The following ZNF550 variants were observed in gnomAD, a reference collection of about 807,000 sequenced individuals.
ZNF550 encodes the protein zinc finger protein 550.
A neutral mutation model predicts 40.2 loss-of-function variants in ZNF550; 42 were observed. The observed-to-expected ratio is 1.05, with a 90% CI of 0.82 to 1.35. The LOEUF (loss-of-function observed/expected upper bound fraction) is 1.35, where lower values mean the gene tolerates loss of function less well. Among genes scored for constraint, ZNF550 ranks in the 40% most tolerant of loss-of-function variants. The pLI is 0.00. For synonymous variants in ZNF550, 223 were observed against 198.6 expected, an observed-to-expected ratio of 1.12 and a Z score of -1.03; for missense variants, 549 against 525.2, an observed-to-expected ratio of 1.05 and a Z score of -0.44.
intron 4 of ZNF550, chr19:57,543,572 T>A (rs1413090249): frequency 1.0e-6 from 1 of 977,838 alleles, no homozygotes; most frequent in East Asian, 1.1e-4. Context: ...TTAAGCAGCA[T>A]AAGAGCATAG....
At chr19:57,544,436 T>C in intron 4 of ZNF550, 1 of 985,414 alleles carries the variant, frequency 1.0e-6, no homozygotes, top group Non-Finnish European at 1.2e-6. Flanking sequence ...CTAGAGGGGT[T>C]TCTCCAACTC....
rs1490945365 is a variant in ZNF550 at position 57,559,640 on chromosome 19, G to C, written c.27+16C>G. On this transcript the variant is annotated intron_variant, in intron 1 of 4. Transcript: ENST00000457177. ...TGAGGCCGGGTGGCCGCGGGGAGCC[G>C]AGCCAGTCTGCTCACCTGCGCTGCG... 8 of 1,483,756 alleles carry C rather than the reference G, an allele frequency of 5.4e-6. No homozygotes were observed. The African/African-American group carries it at 9.8e-5, about 18-fold the overall frequency. The allele number at this position is 1,483,756 out of a possible 1,614,324, so 91.9% of individuals were successfully genotyped here.
chr19:57,547,427 A>G (rs374742265), exon 4 of ZNF550: 2 of 1,602,660 alleles, frequency 1.2e-6, no homozygotes, highest in South Asian at 1.1e-5. Flanking sequence ...TGCATGAGGT[A>G]CGACCTGCGT....
At chr19:57,559,724 G>C in exon 1 of ZNF550, 9 of 1,446,606 alleles carry the variant, frequency 6.2e-6, no homozygotes, top group Non-Finnish European at 8.3e-6. Context: ...CAGCTCCCAC[G>C]GGCTCAAAAC....
chr19:57,552,023 G>T (rs551913564), intron 3 of ZNF550, among the ~76,000 whole-genome samples: 1 of 152,334 alleles, frequency 6.6e-6, no homozygotes, highest in Non-Finnish European at 1.5e-5. Flanking sequence ...AGTCCAGAAA[G>T]AAATGTATGA....
Position 57,554,998 on chromosome 19 carries a change from A to G in ZNF550, c.154+1233T>C, listed in dbSNP as rs1011613569. ...AAATTCCCCTCATTTTTCTTTCTAG[A>G]ACTTATTTCAGTTGTCATCTATGGA... On this transcript the variant is annotated intron_variant, in intron 2 of 4. Coordinates refer to ENST00000457177, the Ensembl canonical transcript of ZNF550. The surrounding 1 kb of genome is among the most constrained non-coding windows in gnomAD (Gnocchi z 4.5). 1.3e-5 allele frequency: 2 copies of G among 152,180 alleles called. No individual in the cohort carries two copies. Among genetic ancestry groups the G allele is most frequent in the Non-Finnish European group, 2.9e-5 (2 of 68,032 alleles). The allele number at this position is 152,180 out of a possible 1,614,324, so 9.4% of individuals were successfully genotyped here.
intron 3 of ZNF550, among the ~76,000 whole-genome samples, chr19:57,549,159 A>G (rs2090050518): frequency 6.6e-6 from 1 of 152,244 alleles, no homozygotes; most frequent in African/African-American, 2.4e-5. Context: ...TGAAATAACT[A>G]AGGGTATAAC....
chr19:57,552,359 C>T (rs2090079554), intron 3 of ZNF550: 1 of 475,676 alleles, frequency 2.1e-6, no homozygotes, highest in Non-Finnish European at 3.7e-6. Context: ...TGACTTCTCC[C>T]CTTCTTCTTG....
At chr19:57,559,824 C>T (rs1347591346) in exon 1 of ZNF550, 3 of 701,812 alleles carry the variant, frequency 4.3e-6, no homozygotes, top group South Asian at 5.1e-5. Flanking sequence ...GACCAACACG[C>T]CCCACCACAA....
At chr19:57,559,694 C>T in exon 1 of ZNF550, 1 of 1,497,098 alleles carries the variant, frequency 6.7e-7, no homozygotes, top group Non-Finnish European at 8.9e-7. Flanking sequence ...CGACCGTTGG[C>T]AGGACGAGGC....
At chr19:57,547,188 G>A in exon 4 of ZNF550, 1 of 1,611,534 alleles carries the variant, frequency 6.2e-7, no homozygotes. Flanking sequence ...AGCTGCATCT[G>A]AAGGCCTTTC....
intron 2 of ZNF550, chr19:57,553,075 A>G (rs1383840288): frequency 5.6e-6 from 1 of 178,924 alleles, no homozygotes; most frequent in Non-Finnish European, 1.2e-5. Context: ...TTGTAAGAAC[A>G]CAGCAAGTCA....
In ZNF550 at chr19:57,559,797, A is replaced by G. The variant is rs949223922; in HGVS notation, c.-115T>C. 6 of 989,888 alleles carry G rather than the reference A, an allele frequency of 6.1e-6. No homozygotes were observed. In the South Asian group the frequency reaches 1.4e-4, roughly 24 times the overall value. The allele number at this position is 989,888 out of a possible 1,614,324, so 61.3% of individuals were successfully genotyped here. On this transcript the variant is annotated 5_prime_UTR_variant, in exon 1 of 5. Transcript: ENST00000457177. ...CAGTCGCCCTACCATCCTTCCCAGC[A>G]CAGTTCTGAGAGCGCGGACCAACAC...
At chr19:57,553,357 CACA>C (rs1214257407) in intron 2 of ZNF550, 2 of 152,238 alleles carry the variant, frequency 1.3e-5, no homozygotes, top group African/African-American at 4.8e-5. Context: ...TGTTCAGGCA[CACA>C]ACACTTTGAC....
At chr19:57,553,339 G>C (rs554969524) in intron 2 of ZNF550, 2 of 152,354 alleles carry the variant, frequency 1.3e-5, no homozygotes, top group South Asian at 4.1e-4. Flanking sequence ...GTCTATGGAA[G>C]CCAACGTTGT....
chr19:57,552,886 T>A, intron 2 of ZNF550, 164 bp from the exon 3 acceptor site: 1 of 589,730 alleles, frequency 1.7e-6, no homozygotes, highest in South Asian at 2.2e-5. Flanking sequence ...TTGCTCTGAG[T>A]GAGCTGTGTT....
intron 3 of ZNF550, among the ~76,000 whole-genome samples, chr19:57,552,070 A>G (rs1365664987): frequency 6.6e-6 from 1 of 152,238 alleles, no homozygotes; most frequent in African/African-American, 2.4e-5. Context: ...TTCATGCATA[A>G]TACTAACTAG....
chr19:57,556,416 C>G (rs2090122068), intron 1 of ZNF550, 59 bp from the exon 2 acceptor site: 1 of 1,564,370 alleles, frequency 6.4e-7, no homozygotes, highest in Non-Finnish European at 8.7e-7. Context: ...GGATCAGAAC[C>G]TGTCACTCAG....
At chr19:57,546,488 GA>G in exon 4 of ZNF550, 4 of 988,254 alleles carry the variant, frequency 4.0e-6, no homozygotes, top group Non-Finnish European at 4.8e-6. Context: ...AGTTCATAGA[GA>G]AAATCCCAAG....
Sources: gnomAD v4.1 joint callset for allele counts (sites outside exome capture counted in the v4.1 genomes callset) on GRCh38, gnomAD v4.1.1 for gene constraint, Gnocchi (gnomAD v3.1) non-coding constraint, MANE v1.5 for transcripts, NCBI Gene and HGNC (gene_info 2026-07-23, HGNC 2026-07-21) for gene names.